Variants in FUT8 observed in about 807,000 individuals in gnomAD.
FUT8 encodes the protein alpha-(1,6)-fucosyltransferase.
A neutral mutation model predicts 71.3 loss-of-function variants in FUT8; 29 were observed. That is an observed-to-expected ratio of 0.41 (90% CI 0.30 to 0.55). The LOEUF (loss-of-function observed/expected upper bound fraction) is 0.55, where lower values mean the gene tolerates loss of function less well. Ranked by LOEUF, FUT8 falls within the 20% of genes least tolerant of loss-of-function variation. The pLI, the probability that FUT8 is intolerant of heterozygous loss-of-function variation, is 0.34. For synonymous variants in FUT8, 254 were observed against 239.3 expected, an observed-to-expected ratio of 1.06 and a Z score of -0.57; for missense variants, 544 against 702.1, an observed-to-expected ratio of 0.77 and a Z score of 2.55.
intron 1 of FUT8, among the ~76,000 whole-genome samples, chr14:65,423,830 TA>T: frequency 6.6e-6 from 1 of 152,360 alleles, no homozygotes; most frequent in South Asian, 2.1e-4. Context: ...CTATAAAAGC[TA>T]CATTTTCAAC....
At chr14:65,597,321 A>G (rs1408795679) in intron 3 of FUT8, among the ~76,000 whole-genome samples, 1 of 152,200 alleles carries the variant, frequency 6.6e-6, no homozygotes, top group Admixed American at 6.5e-5. Flanking sequence ...ATGGTGGTGG[A>G]TTAATCTGAT....
chr14:65,482,220 C>T (rs10133903), intron 2 of FUT8, among the ~76,000 whole-genome samples: 9,258 of 152,070 alleles, frequency 0.061, 486 homozygotes, highest in South Asian at 0.19. Flanking sequence ...ATTTCAGCAT[C>T]ATTTACTGAA....
chr14:65,561,623 C>T lies in FUT8; in HGVS notation c.60C>T (p.Thr20=). ...TGCTCATTCTTTTTGCCTGGGGGAC[C>T]TTGCTGTTTTATATAGGTGGTCACT... The part of the protein sequence containing the change: ...WIMLILFAWG[T]LLFYIGGHLV... The change falls in exon 3 of 11, where the codon ACC becomes ACT. Residue 20 remains threonine (T), a synonymous_variant. Transcript: ENST00000673929. 4 of 1,613,508 alleles carry T rather than the reference C, an allele frequency of 2.5e-6. No individual in the cohort carries two copies. Among genetic ancestry groups the T allele is most frequent in the Non-Finnish European group, 3.4e-6 (4 of 1,179,588 alleles).
chr14:65,405,959 C>T (rs567708074), upstream of FUT8, among the ~76,000 whole-genome samples: 6 of 152,250 alleles, frequency 3.9e-5, no homozygotes, highest in East Asian at 9.6e-4. Context: ...CAATGGACAG[C>T]GGTCACACAG....
At chr14:65,496,579 T>C (rs577511229) in intron 2 of FUT8, among the ~76,000 whole-genome samples, 10 of 152,140 alleles carry the variant, frequency 6.6e-5, no homozygotes, top group Non-Finnish European at 1.5e-4. Context: ...CAGTTCCTCC[T>C]TCACCCACTC....
intron 5 of FUT8, chr14:65,617,259 T>A: frequency 7.0e-7 from 1 of 1,425,706 alleles, no homozygotes; most frequent in Non-Finnish European, 9.2e-7. Context: ...TGCTTGGTTG[T>A]TTTAGGTGAA....
At chr14:65,668,908 C>T (rs886908468) in intron 6 of FUT8, among the ~76,000 whole-genome samples, 7 of 152,042 alleles carry the variant, frequency 4.6e-5, no homozygotes, top group African/African-American at 1.7e-4. Context: ...AGGCCATTAC[C>T]CTAAGCAAAC....
intron 6 of FUT8, among the ~76,000 whole-genome samples, chr14:65,639,232 G>A (rs1890715882): frequency 6.6e-6 from 1 of 152,094 alleles, no homozygotes; most frequent in South Asian, 2.1e-4. Flanking sequence ...GCTGGTGATA[G>A]GAAGTAAAGA....
chr14:65,516,153 C>A (rs1305763739), intron 2 of FUT8: 2 of 150,960 alleles, frequency 1.3e-5, no homozygotes, highest in Non-Finnish European at 2.9e-5. Context: ...GTACTCTAGC[C>A]TAGGCAACAT....
chr14:65,518,742 A>C (rs946177864), intron 2 of FUT8, among the ~76,000 whole-genome samples: 1 of 151,634 alleles, frequency 6.6e-6, no homozygotes, highest in African/African-American at 2.4e-5. Flanking sequence ...CCTGTCTCAA[A>C]CTCCTCCTCT....
rs1334021181 is a variant in FUT8 at position 65,557,062 on chromosome 14, A to G, written c.-227-4275A>G. ...GAGCACTTCTTCTGTGCCAAGCATT[A>G]TGATAAGTGGTTTATATATGTTAAC... On this transcript the variant is annotated intron_variant, in intron 2 of 10. Coordinates refer to ENST00000673929, the MANE Select transcript of FUT8 (RefSeq NM_001371533.1). Among the ~76,000 whole-genome samples the G allele has an allele frequency of 2.6e-5, 4 of 152,212 alleles. 1 individual carries two copies. The South Asian group carries it at 8.3e-4, about 31-fold the overall frequency.
intron 3 of FUT8, among the ~76,000 whole-genome samples, chr14:65,568,611 G>GT (rs1411879821): frequency 1.3e-5 from 2 of 150,698 alleles, no homozygotes; most frequent in East Asian, 3.9e-4. Flanking sequence ...TTGATTTCTA[G>GT]TTTGTTCTTC....
chr14:65,600,077 G>T (rs1046722840), intron 3 of FUT8, among the ~76,000 whole-genome samples: 1 of 152,150 alleles, frequency 6.6e-6, no homozygotes, highest in Non-Finnish European at 1.5e-5. Flanking sequence ...AACAGGATTA[G>T]TATTGTACAC....
At chr14:65,496,563 G>A (rs1379499468) in intron 2 of FUT8, among the ~76,000 whole-genome samples, 1 of 152,076 alleles carries the variant, frequency 6.6e-6, no homozygotes, top group Non-Finnish European at 1.5e-5. Context: ...TTTTATACGT[G>A]TCTGACAGTT....
At chr14:65,688,576 T>C (rs542188363) in intron 7 of FUT8, among the ~76,000 whole-genome samples, 19 of 149,828 alleles carry the variant, frequency 1.3e-4, no homozygotes, top group Admixed American at 1.1e-3. Context: ...ACACTGACCT[T>C]ATACCTTTCA....
chr14:65,450,218 G>A (rs1250333876), intron 1 of FUT8, among the ~76,000 whole-genome samples: 1 of 152,148 alleles, frequency 6.6e-6, no homozygotes, highest in African/African-American at 2.4e-5. Flanking sequence ...TCCTAATGGT[G>A]TGGGTAAAAA....
At chr14:65,735,091 C>T (rs113220322) in intron 10 of FUT8, among the ~76,000 whole-genome samples, 20 of 152,258 alleles carry the variant, frequency 1.3e-4, no homozygotes, top group African/African-American at 4.8e-4. Flanking sequence ...AAATGTTTAC[C>T]AACCTCACAT....
At chr14:65,385,514 A>G in the FUT8 span, among the ~76,000 whole-genome samples, 1 of 152,130 alleles carries the variant, frequency 6.6e-6, no homozygotes, top group Non-Finnish European at 1.5e-5. Flanking sequence ...TATTTTTACT[A>G]TGCAAACACT....
intron 1 of FUT8, among the ~76,000 whole-genome samples, chr14:65,429,509 C>CA (rs1201266147): frequency 6.6e-6 from 1 of 152,068 alleles, no homozygotes; most frequent in African/African-American, 2.4e-5. Flanking sequence ...ATCTCCAAAT[C>CA]AAAACTATGT....
Sources: gnomAD v4.1 joint callset for allele counts (sites outside exome capture counted in the v4.1 genomes callset) on GRCh38, gnomAD v4.1.1 for gene constraint, MANE v1.5 for transcripts, NCBI Gene and HGNC (gene_info 2026-07-23, HGNC 2026-07-21) for gene names.